The following NR2C2 variants were observed in gnomAD, a reference collection of about 807,000 sequenced individuals.
NR2C2 encodes Nuclear hormone receptor TR4.
A neutral mutation model predicts 62.9 loss-of-function variants in NR2C2; 6 were observed. That is an observed-to-expected ratio of 0.10 (90% CI 0.05 to 0.19). The LOEUF is 0.19. NR2C2 is among the 10% of genes least tolerant of loss of function. The probability of loss-of-function intolerance (pLI) is 1.00; values close to 1 mark genes in which losing one functional copy is unlikely to be tolerated. For synonymous variants in NR2C2, 272 were observed against 273.8 expected (o/e 0.99, Z 0.07); for missense variants, 479 against 762.7 (o/e 0.63, Z 4.38).
At chr3:14,995,826 A>G (rs980905991) in intron 1 of NR2C2, among the ~76,000 whole-genome samples, 1 of 152,150 alleles carries the variant, frequency 6.6e-6, no homozygotes, top group African/African-American at 2.4e-5. Flanking sequence ...GTTTCTCCTC[A>G]ACCTTGCTAA....
intron 2 of NR2C2, among the ~76,000 whole-genome samples, chr3:15,010,604 C>G (rs1166428730): frequency 6.6e-6 from 1 of 151,496 alleles, no homozygotes; most frequent in East Asian, 1.9e-4. Context: ...CCCAGCTACT[C>G]TGGAGGCTGA....
chr3:15,002,420 A>G lies in NR2C2; in HGVS notation c.-39-1456A>G, dbSNP rs2041034086. Among the ~76,000 whole-genome samples the G allele has an allele frequency of 3.3e-5, 5 of 152,254 alleles. No homozygotes were observed. The South Asian group carries it at 1.0e-3, about 32-fold the overall frequency. On this transcript the variant is annotated intron_variant, in intron 1 of 13. Transcript: ENST00000425241. Reference sequence around the variant, plus strand: ...TGAACAAGCTTGCTTTCCTGGGATGAACCCCAGTTATTCGTGGTGTATAAT... The same window carrying G: ...TGAACAAGCTTGCTTTCCTGGGATGGACCCCAGTTATTCGTGGTGTATAAT...
chr3:15,029,102 CTTTTTTCT>C (rs994791999), intron 8 of NR2C2, among the ~76,000 whole-genome samples: 7 of 132,468 alleles, frequency 5.3e-5, no homozygotes, highest in African/African-American at 2.4e-4. Flanking sequence ...CTATATTTTT[CTTTTTTCT>C]TTTTTTTTTT....
At chr3:15,014,752 C>A (rs527254303) in intron 3 of NR2C2, among the ~76,000 whole-genome samples, 9 of 152,298 alleles carry the variant, frequency 5.9e-5, no homozygotes, top group African/African-American at 2.2e-4. Context: ...CTTTGTGTGA[C>A]TGGCTTATTT....
chr3:15,024,326 A>G (rs1412058048), intron 7 of NR2C2, 118 bp downstream of exon 7: 9 of 664,676 alleles, frequency 1.4e-5, no homozygotes, highest in African/African-American at 5.6e-5. Flanking sequence ...AGCATGACCT[A>G]TGTCTCGGTC....
chr3:15,038,225 G>T, intron 12 of NR2C2, 88 bp downstream of exon 12: 1 of 1,374,730 alleles, frequency 7.3e-7, no homozygotes. Flanking sequence ...CATTGGTGTA[G>T]AAAGAGCCCT....
intron 11 of NR2C2, 123 bp from the exon 12 acceptor site, chr3:15,037,877 G>T: frequency 9.5e-7 from 1 of 1,056,926 alleles, no homozygotes; most frequent in East Asian, 2.5e-5. Context: ...TGTTCACCTT[G>T]AGATTACTGA....
intron 1 of NR2C2, among the ~76,000 whole-genome samples, chr3:14,975,097 T>TG (rs1253639703): frequency 1.3e-5 from 2 of 152,368 alleles, no homozygotes; most frequent in African/African-American, 4.8e-5. Context: ...CATGCAGTTT[T>TG]GCTGAATTTG....
intron 1 of NR2C2, among the ~76,000 whole-genome samples, chr3:14,970,265 G>A (rs904124601): frequency 6.8e-5 from 9 of 132,726 alleles, no homozygotes; most frequent in Non-Finnish European, 1.1e-4. Flanking sequence ...TTTGGGGGCC[G>A]GGGGTGGGGG....
Position 15,018,038 on chromosome 3 carries a change from C to G in NR2C2, c.376+1784C>G, listed in dbSNP as rs951246999. Among the ~76,000 whole-genome samples the G allele has an allele frequency of 2.2e-4, 33 of 152,144 alleles. 4 individuals are homozygous for G. The highest frequency in any genetic ancestry group is 2.1e-3 in the South Asian group (10 of 4,810). On this transcript the variant is annotated intron_variant, in intron 4 of 13. Coordinates refer to ENST00000425241, the MANE Select transcript of NR2C2 (RefSeq NM_001291694.2). ...TTTTGAGATGGAGTCTCACTCTGTC[C>G]CTCAGGTTGGAGTGCAGTGGTGTGA...
At chr3:14,979,050 G>T (rs1273144880) in intron 1 of NR2C2, among the ~76,000 whole-genome samples, 1 of 152,118 alleles carries the variant, frequency 6.6e-6, no homozygotes, top group Admixed American at 6.5e-5. Context: ...TTGGGGCTTT[G>T]TCCATTTTCC....
intron 1 of NR2C2, chr3:14,959,080 C>G (rs1248547355): frequency 6.6e-6 from 1 of 152,246 alleles, no homozygotes; most frequent in Non-Finnish European, 1.5e-5. Context: ...GGGACATCTC[C>G]TAATTGATAA....
At chr3:14,962,821 C>T (rs952465414) in intron 1 of NR2C2, among the ~76,000 whole-genome samples, 4 of 151,974 alleles carry the variant, frequency 2.6e-5, no homozygotes, top group African/African-American at 9.7e-5. Flanking sequence ...CTTGATTCTT[C>T]GTTAATATTA....
rs542077886 is a variant in NR2C2, at chr3:14,947,660, G to A, written c.-286G>A. 1.3e-4 allele frequency: 20 copies of A among 150,684 alleles called. No individual in the cohort carries two copies. Among genetic ancestry groups the A allele is most frequent in the South Asian group, 9.0e-4 (5 of 5,576 alleles). 9.3% of individuals were successfully genotyped at this position (150,684 alleles called of 1,614,324 possible). On this transcript the variant is annotated 5_prime_UTR_variant, in exon 1 of 14. Transcript: ENST00000425241. ...GGGTCACGAACTCTGACCTTTCACT[G>A]ACAAAAACAATAACAAACCCCCCCT...
chr3:15,042,583 G>A, intron 13 of NR2C2: 1 of 359,124 alleles, frequency 2.8e-6, no homozygotes, highest in Admixed American at 4.4e-5. Flanking sequence ...TCTTGGTGGT[G>A]GGGGTGAGGA....
intron 1 of NR2C2, among the ~76,000 whole-genome samples, chr3:14,991,756 T>C (rs549887105): frequency 2.3e-4 from 35 of 150,634 alleles, no homozygotes; most frequent in African/African-American, 7.3e-4. Context: ...TTTCTTTTTT[T>C]TTTTTCTTTT....
At chr3:14,954,308 T>A (rs1045057365) in intron 1 of NR2C2, among the ~76,000 whole-genome samples, 4 of 151,966 alleles carry the variant, frequency 2.6e-5, no homozygotes, top group African/African-American at 9.7e-5. Context: ...TCTAAAGAAA[T>A]AAACAATGTA....
At chr3:15,018,823 C>T (rs2041587110) in intron 4 of NR2C2, among the ~76,000 whole-genome samples, 1 of 151,880 alleles carries the variant, frequency 6.6e-6, no homozygotes, top group South Asian at 2.1e-4. Flanking sequence ...TCGAGACTAG[C>T]CTGGCCAACA....
At chr3:15,006,880 ATTC>A (rs2041188456) in intron 2 of NR2C2, among the ~76,000 whole-genome samples, 1 of 151,112 alleles carries the variant, frequency 6.6e-6, no homozygotes, top group Admixed American at 6.6e-5. Flanking sequence ...GGTTCAAGCA[ATTC>A]TTCTGCCTCA....
Sources: allele counts gnomAD v4.1 joint callset (sites outside exome capture counted in the v4.1 genomes callset), GRCh38; gene constraint gnomAD v4.1.1; transcripts MANE v1.5; gene names NCBI Gene and HGNC (gene_info 2026-07-23, HGNC 2026-07-21).